Variants in LPCAT4 observed in about 807,000 individuals in gnomAD.
LPCAT4 encodes lysophospholipid acyltransferase LPCAT4.
A neutral mutation model predicts 66.5 loss-of-function variants in LPCAT4; 30 were observed. The ratio of observed to expected loss-of-function variants is 0.45; its 90% CI spans 0.34 to 0.61. The LOEUF (loss-of-function observed/expected upper bound fraction) is 0.61. Ranked by LOEUF, LPCAT4 falls within the 20% of genes least tolerant of loss-of-function variation. The pLI is 0.01. For synonymous variants in LPCAT4, 253 were observed against 262.1 expected, an observed-to-expected ratio of 0.97 and a Z score of 0.34; for missense variants, 557 against 656.7, an observed-to-expected ratio of 0.85 and a Z score of 1.66.
rs1595624039 is a variant in LPCAT4 at position 34,367,141 on chromosome 15, C to G, written c.-41G>C. 12 of 1,490,352 alleles carry G rather than the reference C, an allele frequency of 8.1e-6. No individual in the cohort carries two copies. The South Asian group carries it at 1.6e-4, about 19-fold the overall frequency. The allele number at this position is 1,490,352 out of a possible 1,614,324, so 92.3% of individuals were successfully genotyped here. A position where few individuals can be genotyped will look rare whatever the true frequency, so the allele number is the denominator to read the frequency against. On this transcript the variant is annotated 5_prime_UTR_variant, in exon 1 of 14. Transcript: ENST00000314891. Reference sequence around the variant, plus strand: ...GAGGGAGGGCACCCCGGCCCTGGCCCCGGCCACCACTCTGCAGAGCAGCTG... The same window carrying G: ...GAGGGAGGGCACCCCGGCCCTGGCCGCGGCCACCACTCTGCAGAGCAGCTG...
chr15:34,364,500 C>A (rs191093509), intron 3 of LPCAT4, 194 bp from the exon 4 acceptor site: 1 of 493,994 alleles, frequency 2.0e-6, no homozygotes, highest in Admixed American at 3.7e-5. Context: ...CTCAGCTCAC[C>A]GCAAACTCCA....
In LPCAT4 at chr15:34,359,126, C is replaced by G; in HGVS notation, c.*1G>C. 6.2e-7 allele frequency: 1 copy of G among 1,600,030 alleles called. No individual in the cohort carries two copies. The highest frequency in any genetic ancestry group is 8.5e-7 in the Non-Finnish European group (1 of 1,174,202). On this transcript the variant is annotated 3_prime_UTR_variant, in exon 14 of 14. Coordinates refer to ENST00000314891, the MANE Select transcript of LPCAT4 (RefSeq NM_153613.3). Reference sequence around the variant, plus strand: ...GAGGAGGGGGTGAGAGGCTGAGGCACTCAGTCTCCCTTCTGCTTGGGTGCT... The same window carrying G: ...GAGGAGGGGGTGAGAGGCTGAGGCAGTCAGTCTCCCTTCTGCTTGGGTGCT...
chr15:34,362,415 C>A (rs1595619628), intron 9 of LPCAT4, 94 bp from the exon 10 acceptor site: 1 of 1,520,488 alleles, frequency 6.6e-7, no homozygotes, highest in African/African-American at 1.4e-5. Flanking sequence ...TGGAGTAGAT[C>A]AGGCCCCTTT....
chr15:34,361,166 T>TA, intron 11 of LPCAT4: 1 of 1,361,704 alleles, frequency 7.3e-7, no homozygotes, highest in Non-Finnish European at 9.5e-7. Context: ...TTATAGTCCT[T>TA]ACTGATTATT....
At chr15:34,366,950 T>C in intron 1 of LPCAT4, 37 bp downstream of exon 1, 1 of 1,529,022 alleles carries the variant, frequency 6.5e-7, no homozygotes, top group Non-Finnish European at 8.8e-7. Context: ...TTTCCTATCC[T>C]CACGGGTCCT....
chr15:34,365,494 A>G, intron 2 of LPCAT4, 65 bp downstream of exon 2: 1 of 1,600,534 alleles, frequency 6.2e-7, no homozygotes, highest in Admixed American at 1.7e-5. Flanking sequence ...CTTCTTCTCA[A>G]AGAGGGAGCC....
At chr15:34,361,690 A>G (rs1890946214) in intron 10 of LPCAT4, among the ~76,000 whole-genome samples, 158 bp from the exon 11 acceptor site, 1 of 151,904 alleles carries the variant, frequency 6.6e-6, no homozygotes, top group Admixed American at 6.6e-5. Flanking sequence ...AGCACTTCTT[A>G]CTTTTTTCTT....
Position 34,365,129 on chromosome 15 carries a change from A to T in LPCAT4, c.357T>A (p.Leu119=), listed in dbSNP as rs1349978132. 6.2e-7 allele frequency: 1 copy of T among 1,614,238 alleles called. No homozygotes were observed. Among genetic ancestry groups the T allele is most frequent in the Non-Finnish European group, 8.5e-7 (1 of 1,180,044 alleles). ...GGGCAGCAACAAGGACAGGGGCTTG[A>T]AGGCGAGAGGCTCGCTGGCCACGAA... ...IRVRGQRASR[L]QAPVLVAAPH... The change falls in exon 3 of 14, where the codon CTT becomes CTA. Residue 119 remains leucine (L), a synonymous_variant. Coordinates refer to ENST00000314891, the MANE Select transcript of LPCAT4 (RefSeq NM_153613.3).
chr15:34,361,058 C>T (rs745327009), intron 11 of LPCAT4: 7 of 378,516 alleles, frequency 1.8e-5, no homozygotes, highest in South Asian at 9.6e-5. Flanking sequence ...CATCTTCCCA[C>T]GTAACCTTCA....
Position 34,363,896 on chromosome 15 carries a change from G to A in LPCAT4, c.652+117C>T. 1 of 1,311,942 alleles carries A rather than the reference G, an allele frequency of 7.6e-7. No individual in the cohort carries two copies. Among genetic ancestry groups the A allele is most frequent in the Non-Finnish European group, 1.1e-6 (1 of 919,862 alleles). The allele number at this position is 1,311,942 out of a possible 1,614,324, so 81.3% of individuals were successfully genotyped here. A position where few individuals can be genotyped will look rare whatever the true frequency, so the allele number is the denominator to read the frequency against. ...GACAGCATTAGCTAGGAGGTTCCTGGTCTCCCTTCCTCTCCCATCCCTCCC... is the reference window on the plus strand; with the variant it reads ...GACAGCATTAGCTAGGAGGTTCCTGATCTCCCTTCCTCTCCCATCCCTCCC... On this transcript the variant is annotated intron_variant, in intron 5 of 13. Coordinates refer to ENST00000314891, the MANE Select transcript of LPCAT4 (RefSeq NM_153613.3). The surrounding 1 kb of genome is among the most constrained non-coding windows in gnomAD (Gnocchi z 4.3).
chr15:34,360,719 G>C (rs191201325), intron 11 of LPCAT4, among the ~76,000 whole-genome samples: 530 of 152,280 alleles, frequency 3.5e-3, no homozygotes, highest in African/African-American at 0.012. Context: ...GCTCTTTTCG[G>C]GGACAGTCCG....
intron 13 of LPCAT4, 39 bp downstream of exon 13, chr15:34,359,550 C>A (rs1340102325): frequency 2.5e-6 from 4 of 1,597,724 alleles, no homozygotes; most frequent in Non-Finnish European, 3.4e-6. Flanking sequence ...CTGATGGTGC[C>A]CCAAGTGCCC....
rs1283780762 is a variant in LPCAT4 at position 34,365,648 on chromosome 15, G to A, written c.168C>T (p.Ile56=). The A allele has an allele frequency of 6.2e-7, 1 of 1,614,068 alleles. No homozygotes were observed. Among genetic ancestry groups the A allele is most frequent in the Non-Finnish European group, 8.5e-7 (1 of 1,180,028 alleles). Residue 56 remains isoleucine (I), a synonymous_variant, in exon 2 of 14, where the codon ATC becomes ATT. Coordinates refer to ENST00000314891, the MANE Select transcript of LPCAT4 (RefSeq NM_153613.3). ...CAAAGGGCCAGAGGAGAAAGAGGACGATAAAGGCCAGAAGCACTCGGATGG... is the reference window on the plus strand; with the variant it reads ...CAAAGGGCCAGAGGAGAAAGAGGACAATAAAGGCCAGAAGCACTCGGATGG... ...LAPIRVLLAF[I]VLFLLWPFAW...
Position 34,364,273 on chromosome 15 carries a change from G to C in LPCAT4, c.512C>G (p.Ser171Cys), listed in dbSNP as rs979108045. 6.2e-7 allele frequency: 1 copy of C among 1,614,074 alleles called. No individual in the cohort carries two copies. Among genetic ancestry groups the C allele is most frequent in the Admixed American group, 1.7e-5 (1 of 60,026 alleles). Residue 171 changes from serine (S) to cysteine (C), a missense_variant, in exon 4 of 14, where the codon TCC becomes TGC. Physicochemically the swap from Ser to Cys is moderately radical, Grantham distance 112 (BLOSUM62 -1). Around this residue, in one of 4 missense-constraint regions of LPCAT4, gnomAD observed 392 missense variants for 473.9 expected, o/e 0.83. Coordinates refer to ENST00000314891, the MANE Select transcript of LPCAT4 (RefSeq NM_153613.3). Reference protein sequence around the residue: ...LLRFNQAILVSRHDPASRRRV... With the variant: ...LLRFNQAILVCRHDPASRRRV... ...GCGTCGAGAAGCCGGGTCATGCCGG[G>C]ATACCAGGATGGCTTGGTTGAATCG...
rs575815861 is a variant in LPCAT4, at chr15:34,362,577, C to A, written c.880G>T (p.Ala294Ser). 6.4e-7 allele frequency: 1 copy of A among 1,553,470 alleles called. No individual in the cohort carries two copies. The change falls in exon 9 of 14, where the codon GCA becomes TCA. Residue 294 changes from alanine to serine, a missense_variant. Ala to Ser is a moderately conservative substitution (Grantham distance 99). Coordinates refer to ENST00000314891, the MANE Select transcript of LPCAT4 (RefSeq NM_153613.3). ...AATAGTTTGTGGGGCACTCACTGTG[C>A]CATGACCCTCTGAACATTGTTGGCA... Reference protein sequence around the residue: ...LYANNVQRVMAQALGIPATEC... With the variant: ...LYANNVQRVMSQALGIPATEC...
chr15:34,365,505 G>A (rs1891055448), intron 2 of LPCAT4, 54 bp downstream of exon 2: 6 of 1,608,416 alleles, frequency 3.7e-6, no homozygotes, highest in Non-Finnish European at 5.1e-6. Flanking sequence ...AGAGGGAGCC[G>A]AATAGACAGC....
Position 34,364,194 on chromosome 15 carries a change from C to T in LPCAT4, c.591G>A (p.Gln197=). ...AGATGGTCTTGAGACCCTTACCCAC[C>T]TGCGGCCACTTGCCTCCTGAGGTGG... The part of the protein sequence containing the change: ...RRATSGGKWP[Q]VLFFPEGTCS... The change falls in exon 4 of 14, where the codon CAG becomes CAA. Residue 197 remains glutamine (Q), a splice_region_variant and synonymous_variant. Transcript: ENST00000314891. 1 of 1,610,636 alleles carries T rather than the reference C, an allele frequency of 6.2e-7. No individual in the cohort carries two copies.
At chr15:34,364,408 T>TCA in intron 3 of LPCAT4, 102 bp from the exon 4 acceptor site, 1 of 615,562 alleles carries the variant, frequency 1.6e-6, no homozygotes, top group Non-Finnish European at 2.7e-6. Context: ...GTTTCTGTTA[T>TCA]CTCTTTTTTT....
At position 34,367,131 on chromosome 15, in the gene LPCAT4, G is replaced by A. The variant is rs1891100531; in HGVS notation, c.-31C>T. 4.0e-6 allele frequency: 6 copies of A among 1,507,242 alleles called. No homozygotes were observed. Among genetic ancestry groups the A allele is most frequent in the Non-Finnish European group, 5.3e-6 (6 of 1,126,590 alleles). 93.4% of individuals were successfully genotyped at this position (1,507,242 alleles called of 1,614,324 possible). The stretch of plus-strand genomic sequence containing the variant: ...GAGAAGGTGGGAGGGAGGGCACCCC[G>A]GCCCTGGCCCCGGCCACCACTCTGC... On this transcript the variant is annotated 5_prime_UTR_variant, in exon 1 of 14. Coordinates refer to ENST00000314891, the MANE Select transcript of LPCAT4 (RefSeq NM_153613.3).
Sources: allele counts gnomAD v4.1 joint callset (sites outside exome capture counted in the v4.1 genomes callset), GRCh38; gene constraint gnomAD v4.1.1; regional missense constraint gnomAD v4.1.1; non-coding constraint Gnocchi (gnomAD v3.1); transcripts MANE v1.5; gene names NCBI Gene and HGNC (gene_info 2026-07-23, HGNC 2026-07-21).